The following GLI2 variants were observed in gnomAD, a reference collection of about 807,000 sequenced individuals.
GLI2 encodes GLI family zinc finger 2, also known as transcription activator GLI2.
A neutral mutation model predicts 78.9 loss-of-function variants in GLI2; 22 were observed. That is an observed-to-expected ratio of 0.28 (90% CI 0.20 to 0.40). The LOEUF (loss-of-function observed/expected upper bound fraction) is 0.40, where lower values mean the gene tolerates loss of function less well. GLI2 is among the 10% of genes least tolerant of loss of function. GLI2 has a pLI of 1.00. For missense variants in GLI2, 2,097 were observed against 2,213.2 expected, an observed-to-expected ratio of 0.95 and a Z score of 1.05; for synonymous variants, 974 against 963.7, an observed-to-expected ratio of 1.01 and a Z score of -0.20.
At chr2:120,987,271 C>A (rs933136004) in intron 13 of GLI2, among the ~76,000 whole-genome samples, 1 of 152,198 alleles carries the variant, frequency 6.6e-6, no homozygotes, top group African/African-American at 2.4e-5. Context: ...ACTGATGTAC[C>A]ACCTGCTCTC....
At chr2:120,761,593 G>A (rs1347024104) in intron 1 of GLI2, among the ~76,000 whole-genome samples, 3 of 152,294 alleles carry the variant, frequency 2.0e-5, no homozygotes, top group African/African-American at 2.4e-5. Flanking sequence ...GGAGGAGTGT[G>A]GAGGCAGAGG....
chr2:120,766,974 C>T (rs1683382791), intron 1 of GLI2, among the ~76,000 whole-genome samples: 1 of 152,172 alleles, frequency 6.6e-6, no homozygotes, highest in Non-Finnish European at 1.5e-5. Flanking sequence ...CGACAGGCCA[C>T]ACCTGTAGGA....
At chr2:120,920,324 T>G (rs927213851) in intron 2 of GLI2, among the ~76,000 whole-genome samples, 4 of 152,240 alleles carry the variant, frequency 2.6e-5, no homozygotes. Context: ...CCGAGGAGAA[T>G]TCCTCCGGCT....
rs531570345 is a variant in GLI2 at position 120,858,855 on chromosome 2, T to A, written c.148+61387T>A. 2.0e-5 allele frequency among the ~76,000 whole-genome samples: 3 copies of A among 152,320 alleles called. 1 individual carries two copies. In the East Asian group the frequency reaches 5.8e-4, roughly 29 times the overall value. The stretch of plus-strand genomic sequence containing the variant: ...ATTTATTACCTATTAAATAATTATC[T>A]CATTTGGAAAGTGTTTCTTAATGTA... On this transcript the variant is annotated intron_variant, in intron 2 of 13. Coordinates refer to ENST00000361492, the MANE Select transcript of GLI2 (RefSeq NM_001374353.1).
intron 3 of GLI2, among the ~76,000 whole-genome samples, chr2:120,948,890 G>GT (rs1680847397): frequency 6.6e-6 from 1 of 152,166 alleles, no homozygotes; most frequent in Admixed American, 6.5e-5. Context: ...TGCCTGGAGT[G>GT]TCTGGGGAGG....
intron 2 of GLI2, among the ~76,000 whole-genome samples, chr2:120,833,007 C>T (rs1049398275): frequency 3.9e-5 from 6 of 152,106 alleles, no homozygotes; most frequent in African/African-American, 1.4e-4. Context: ...GACATGGAAA[C>T]TTGGGGCCTG....
chr2:120,765,175 C>A (rs965879742), intron 1 of GLI2, among the ~76,000 whole-genome samples: 6 of 152,154 alleles, frequency 3.9e-5, no homozygotes, highest in African/African-American at 1.4e-4. Context: ...CTCTCTAGAC[C>A]CCAGTCTGGG....
chr2:120,968,580 C>G (rs1485114357), intron 5 of GLI2, 134 bp from the exon 6 acceptor site: 2 of 738,888 alleles, frequency 2.7e-6, no homozygotes, highest in African/African-American at 1.7e-5. Context: ...GCCCAAGAGC[C>G]CACAGCTGGA....
chr2:120,795,752 T>C (rs2104693176), intron 1 of GLI2, among the ~76,000 whole-genome samples: 1 of 151,966 alleles, frequency 6.6e-6, no homozygotes, highest in Non-Finnish European at 1.5e-5. Flanking sequence ...CACCACCTTC[T>C]TTAAAACATG....
chr2:120,872,950 G>A (rs1299569922), intron 2 of GLI2, among the ~76,000 whole-genome samples: 1 of 152,200 alleles, frequency 6.6e-6, no homozygotes, highest in Non-Finnish European at 1.5e-5. Context: ...TGACAGACAC[G>A]AAAGAGGCTA....
At chr2:120,759,518 T>C (rs1209871304) in intron 1 of GLI2, among the ~76,000 whole-genome samples, 1 of 152,128 alleles carries the variant, frequency 6.6e-6, no homozygotes, top group Admixed American at 6.5e-5. Flanking sequence ...GTAAAGAATA[T>C]TACAAAGGAT....
At chr2:120,824,239 A>G (rs958823609) in intron 2 of GLI2, among the ~76,000 whole-genome samples, 1 of 152,150 alleles carries the variant, frequency 6.6e-6, no homozygotes, top group Admixed American at 6.5e-5. Context: ...AGGCTGTTGG[A>G]TGGGGAAGGT....
intron 5 of GLI2, among the ~76,000 whole-genome samples, chr2:120,957,656 C>T: frequency 6.6e-6 from 1 of 152,194 alleles, no homozygotes; most frequent in African/African-American, 2.4e-5. Flanking sequence ...GGTGTCCCCA[C>T]AGGGCAGGAA....
At chr2:120,906,991 G>A (rs1678566233) in intron 2 of GLI2, among the ~76,000 whole-genome samples, 1 of 152,062 alleles carries the variant, frequency 6.6e-6, no homozygotes, top group Admixed American at 6.6e-5. Context: ...CTTGTCTGCA[G>A]CATCACACAC....
intron 11 of GLI2, among the ~76,000 whole-genome samples, chr2:120,983,680 G>A (rs1682820923): frequency 1.3e-5 from 2 of 152,354 alleles, no homozygotes; most frequent in Middle Eastern, 6.8e-3. Flanking sequence ...GGAGAAAGCA[G>A]GGCAAGAGCC....
In GLI2 at chr2:120,772,856, A is replaced by G. The variant is rs185605112; in HGVS notation, c.-30-24435A>G. Among the ~76,000 whole-genome samples, 253 of 152,218 alleles carry G rather than the reference A, an allele frequency of 1.7e-3. 1 individual carries two copies. The highest frequency in any genetic ancestry group is 5.1e-3 in the African/African-American group (212 of 41,530). ...TCTCCAGCATGCAGCCACCGTTAGG[A>G]CAGCCTCCTGCATTTGCAACTTTGC... On this transcript the variant is annotated intron_variant, in intron 1 of 13. Transcript: ENST00000361492.
At chr2:120,983,645 CCCCTATCTGGGCTGAGAGAA>C (rs1470411076) in intron 11 of GLI2, among the ~76,000 whole-genome samples, 1 of 152,188 alleles carries the variant, frequency 6.6e-6, no homozygotes, top group Admixed American at 6.5e-5. Flanking sequence ...GTAGGCAGAG[CCCCTATCTGGGCTGAGAGAA>C]CCAGGGAGAA....
chr2:120,868,337 A>G (rs1243611004), intron 2 of GLI2, among the ~76,000 whole-genome samples: 1 of 152,254 alleles, frequency 6.6e-6, no homozygotes, highest in Non-Finnish European at 1.5e-5. Context: ...AAACAAAATC[A>G]TATCGAACAG....
intron 1 of GLI2, among the ~76,000 whole-genome samples, chr2:120,777,647 G>T (rs545762831): frequency 6.6e-6 from 1 of 151,644 alleles, no homozygotes; most frequent in Non-Finnish European, 1.5e-5. Context: ...TGCTGCCTGA[G>T]ACTTGGCCAT....
Sources: allele counts gnomAD v4.1 joint callset (sites outside exome capture counted in the v4.1 genomes callset), GRCh38; gene constraint gnomAD v4.1.1; transcripts MANE v1.5; gene names NCBI Gene and HGNC (gene_info 2026-07-23, HGNC 2026-07-21).